Variants in TNR observed in about 807,000 individuals in gnomAD.
TNR encodes the protein tenascin-R.
TNR carries 45 observed loss-of-function variants against 150.4 expected under a neutral mutation model. That is an observed-to-expected ratio of 0.30 (90% CI 0.24 to 0.38). The LOEUF (loss-of-function observed/expected upper bound fraction) is 0.38, where lower values mean the gene tolerates loss of function less well. TNR is among the 10% of genes least tolerant of loss of function. The pLI, the probability that TNR is intolerant of heterozygous loss-of-function variation, is 1.00. For missense variants in TNR, 1,544 were observed against 1,759.1 expected (o/e 0.88, Z 2.19); for synonymous variants, 687 against 678.4 (o/e 1.01, Z -0.20).
intron 1 of TNR, among the ~76,000 whole-genome samples, chr1:175,647,001 G>A (rs917340319): frequency 1.3e-5 from 2 of 152,192 alleles, no homozygotes; most frequent in African/African-American, 2.4e-5. Context: ...AGCTGCCCTC[G>A]GCAGGCAGGA....
chr1:175,564,381 G>T (rs931515282), intron 1 of TNR, among the ~76,000 whole-genome samples: 13 of 152,130 alleles, frequency 8.5e-5, no homozygotes, highest in African/African-American at 3.1e-4. Flanking sequence ...GGCCTTTTGT[G>T]GTTTACAGGA....
intron 1 of TNR, among the ~76,000 whole-genome samples, chr1:175,613,156 T>A (rs1663650529): frequency 6.6e-6 from 1 of 152,192 alleles, no homozygotes; most frequent in Admixed American, 6.5e-5. Context: ...GGGTATTCTG[T>A]AAGCAGAGCT....
chr1:175,508,666 G>A (rs1659049518), intron 2 of TNR, among the ~76,000 whole-genome samples: 1 of 152,206 alleles, frequency 6.6e-6, no homozygotes, highest in Non-Finnish European at 1.5e-5. Context: ...GTGCGTGGGA[G>A]CAAATCTTTC....
At chr1:175,514,038 G>C (rs1052111513) in intron 2 of TNR, among the ~76,000 whole-genome samples, 10 of 152,200 alleles carry the variant, frequency 6.6e-5, no homozygotes, top group African/African-American at 2.4e-4. Flanking sequence ...GTTGTGATGG[G>C]CAGAATAATG....
At position 175,320,616 on chromosome 1, in the gene TNR, C is replaced by CG. The variant is rs1173256085; in HGVS notation, c.*2740_*2741insC. The CG allele has an allele frequency of 6.6e-6, 1 of 152,006 alleles. No homozygotes were observed. Among genetic ancestry groups the CG allele is most frequent in the Non-Finnish European group, 1.5e-5 (1 of 68,004 alleles). The allele number at this position is 152,006 out of a possible 1,614,324, so 9.4% of individuals were successfully genotyped here. On this transcript the variant is annotated 3_prime_UTR_variant, in exon 23 of 23. Coordinates refer to ENST00000367674, the MANE Select transcript of TNR (RefSeq NM_003285.3). ...CCTTGATGAAGTGGGCGTGCTGGCA[C>CG]CACCCAGGTACCTGGTCTCTGTTTT...
At chr1:175,545,730 A>C (rs1224791546) in intron 1 of TNR, among the ~76,000 whole-genome samples, 1 of 152,242 alleles carries the variant, frequency 6.6e-6, no homozygotes, top group Non-Finnish European at 1.5e-5. Flanking sequence ...GAATAAAAGA[A>C]GGCATAGGGA....
intron 1 of TNR, among the ~76,000 whole-genome samples, chr1:175,737,851 T>C (rs528142589): frequency 1.3e-5 from 2 of 152,264 alleles, no homozygotes; most frequent in Non-Finnish European, 2.9e-5. Context: ...GTCTGTTGGC[T>C]CATTTGTCCC....
intron 19 of TNR, among the ~76,000 whole-genome samples, chr1:175,337,141 G>A (rs1253067708): frequency 6.6e-6 from 1 of 152,078 alleles, no homozygotes; most frequent in Non-Finnish European, 1.5e-5. Flanking sequence ...GTCATCACCC[G>A]CCTTGGCCTC....
intron 2 of TNR, among the ~76,000 whole-genome samples, chr1:175,524,731 G>A (rs1182345570): frequency 6.6e-6 from 1 of 152,228 alleles, no homozygotes; most frequent in Non-Finnish European, 1.5e-5. Flanking sequence ...GAGTTTGCAT[G>A]TAAACTGCCA....
Position 175,362,723 on chromosome 1 carries a change from T to G in TNR, c.2794A>C (p.Ser932Arg). 1 of 1,614,130 alleles carries G rather than the reference T, an allele frequency of 6.2e-7. No individual in the cohort carries two copies. Among genetic ancestry groups the G allele is most frequent in the African/African-American group, 1.3e-5 (1 of 75,060 alleles). The change falls in exon 14 of 23, where the codon AGC (serine) becomes CGC (arginine). Residue 932 changes from serine to arginine, a missense_variant. By Grantham distance (110) the Ser-to-Arg change is moderately radical. Around this residue, in one of 2 missense-constraint regions of TNR, gnomAD observed 1,254 missense variants for 1,329.4 expected, o/e 0.94. Transcript: ENST00000367674. ...RLNPATEYEI[S>R]LNSVRGREES... Reference sequence around the variant, plus strand: ...TCCCTGCCCCGCACGCTGTTGAGGCTGATTTCGTATTCGGTAGCTGGGTTC... The same window carrying G: ...TCCCTGCCCCGCACGCTGTTGAGGCGGATTTCGTATTCGGTAGCTGGGTTC...
intron 7 of TNR, among the ~76,000 whole-genome samples, 174 bp downstream of exon 7, chr1:175,391,114 A>G (rs1029959928): frequency 5.3e-5 from 8 of 152,218 alleles, no homozygotes; most frequent in Non-Finnish European, 1.0e-4. Context: ...AGTAATAGGG[A>G]AGATGATGAG....
At chr1:175,554,773 G>A (rs1333818646) in intron 1 of TNR, among the ~76,000 whole-genome samples, 3 of 152,132 alleles carry the variant, frequency 2.0e-5, no homozygotes, top group Non-Finnish European at 1.5e-5. Flanking sequence ...CTTTGTTTTA[G>A]TTGTTTCTTC....
At chr1:175,485,616 C>G (rs1657978824) in intron 2 of TNR, among the ~76,000 whole-genome samples, 1 of 152,106 alleles carries the variant, frequency 6.6e-6, no homozygotes, top group South Asian at 2.1e-4. Flanking sequence ...CCAGCTTTTC[C>G]TGCCACACAT....
chr1:175,524,839 T>C (rs533771342), intron 2 of TNR, among the ~76,000 whole-genome samples: 182 of 152,318 alleles, frequency 1.2e-3, no homozygotes, highest in African/African-American at 4.3e-3. Flanking sequence ...AGCAGTCGCC[T>C]GTTAGATAAT....
chr1:175,678,913 T>C (rs1361088605), intron 1 of TNR, among the ~76,000 whole-genome samples: 3 of 152,106 alleles, frequency 2.0e-5, no homozygotes, highest in Non-Finnish European at 4.4e-5. Flanking sequence ...CTGTGGTCAG[T>C]TGGGGTGACT....
intron 1 of TNR, among the ~76,000 whole-genome samples, chr1:175,572,871 G>A (rs1661938087): frequency 6.6e-6 from 1 of 151,574 alleles, no homozygotes; most frequent in African/African-American, 2.4e-5. Context: ...TATGAGTAGA[G>A]CTCATATCCT....
At chr1:175,598,988 T>G (rs749891088) in intron 1 of TNR, among the ~76,000 whole-genome samples, 24 of 152,116 alleles carry the variant, frequency 1.6e-4, no homozygotes, top group Non-Finnish European at 2.8e-4. Context: ...CGTCCTTAAA[T>G]CGAATGCACT....
intron 2 of TNR, among the ~76,000 whole-genome samples, chr1:175,479,446 G>T (rs755123194): frequency 2.0e-5 from 3 of 152,176 alleles, no homozygotes; most frequent in Non-Finnish European, 4.4e-5. Context: ...CTCATGTGTG[G>T]ACTCTCCAAG....
At chr1:175,739,823 CACATAGGT>C (rs1399535140) in intron 1 of TNR, among the ~76,000 whole-genome samples, 1 of 152,178 alleles carries the variant, frequency 6.6e-6, no homozygotes, top group African/African-American at 2.4e-5. Flanking sequence ...TTACTAAGCT[CACATAGGT>C]ACTCTTTCCT....
Sources: allele counts gnomAD v4.1 joint callset (sites outside exome capture counted in the v4.1 genomes callset), GRCh38; gene constraint gnomAD v4.1.1; regional missense constraint gnomAD v4.1.1; transcripts MANE v1.5; gene names NCBI Gene and HGNC (gene_info 2026-07-23, HGNC 2026-07-21).